Variants in GALNT8 observed in about 807,000 individuals in gnomAD.
GALNT8 encodes polypeptide N-acetylgalactosaminyltransferase 8.
In GALNT8, 66 loss-of-function variants were observed where a neutral mutation model predicts 62.7. The observed-to-expected ratio is 1.05, with a 90% CI of 0.86 to 1.29. The LOEUF is 1.29. GALNT8 is among the 50% of genes most tolerant of loss of function. The pLI is 0.00. For missense variants in GALNT8, 771 were observed against 791.8 expected, an observed-to-expected ratio of 0.97 and a Z score of 0.32; for synonymous variants, 288 against 294.3, an observed-to-expected ratio of 0.98 and a Z score of 0.22.
intron 9 of GALNT8, 77 bp from the exon 10 acceptor site, chr12:4,765,302 C>T (rs1228931374): frequency 2.2e-6 from 3 of 1,355,760 alleles, no homozygotes; most frequent in Non-Finnish European, 2.9e-6. Context: ...CCTGCTGTCC[C>T]TCGGGCTAGG....
chr12:4,772,035 C>T (rs530269328), intron 10 of GALNT8, among the ~76,000 whole-genome samples: 1 of 152,286 alleles, frequency 6.6e-6, no homozygotes, highest in South Asian at 2.1e-4. Context: ...AACACAGTTT[C>T]CCTGAAGAGG....
intron 10 of GALNT8, among the ~76,000 whole-genome samples, chr12:4,771,910 A>G (rs1274715569): frequency 6.6e-6 from 1 of 152,210 alleles, no homozygotes; most frequent in African/African-American, 2.4e-5. Context: ...ACTTTGTAGC[A>G]CTAAAGCCTA....
chr12:4,748,595 C>T (rs1946310215), intron 6 of GALNT8, among the ~76,000 whole-genome samples: 1 of 151,744 alleles, frequency 6.6e-6, no homozygotes, highest in East Asian at 1.9e-4. Flanking sequence ...TGTTTTTATG[C>T]TCGTACCATG....
Position 4,739,293 on chromosome 12 carries a change from A to AAGGAAATC in GALNT8, c.642_649dup (p.Ile217ArgfsTer15). On this transcript the variant is annotated frameshift_variant, in exon 3 of 11. Coordinates refer to ENST00000252318, the MANE Select transcript of GALNT8 (RefSeq NM_017417.2). LOFTEE classifies it high-confidence loss of function. The stretch of plus-strand genomic sequence containing the variant: ...CAACCGGACGCCCTCTCGATTGTTG[A>AAGGAAATC]AGGAAATCATCTTGGTGGATGATTT... 1 of 1,613,836 alleles carries AAGGAAATC rather than the reference A, an allele frequency of 6.2e-7. No homozygotes were observed. Among genetic ancestry groups the AAGGAAATC allele is most frequent in the Non-Finnish European group, 8.5e-7 (1 of 1,179,858 alleles).
intron 2 of GALNT8, among the ~76,000 whole-genome samples, chr12:4,734,603 C>T (rs1481737671): frequency 6.6e-6 from 1 of 151,742 alleles, no homozygotes; most frequent in African/African-American, 2.4e-5. Context: ...CACCCTCCCA[C>T]CTGTATTATG....
chr12:4,756,917 A>G (rs1946347597), intron 6 of GALNT8, among the ~76,000 whole-genome samples: 2 of 152,192 alleles, frequency 1.3e-5, no homozygotes, highest in South Asian at 4.1e-4. Context: ...TATAATCCCC[A>G]TAATCCCCAT....
Position 4,726,462 on chromosome 12 carries a change from A to G in GALNT8, c.212-70A>G. ...AACCGTTAGAGGAAATTAGGATGGA[A>G]AGGAATACCCAGGTAACTAAGGAGG... On this transcript the variant is annotated intron_variant, in intron 1 of 10. Transcript: ENST00000252318. The surrounding 1 kb of genome is among the most constrained non-coding windows in gnomAD (Gnocchi z 4.1). 9.5e-7 allele frequency: 1 copy of G among 1,057,272 alleles called. No homozygotes were observed. The highest frequency in any genetic ancestry group is 1.4e-6 in the Non-Finnish European group (1 of 714,790). 65.5% of individuals were successfully genotyped at this position (1,057,272 alleles called of 1,614,324 possible).
intron 10 of GALNT8, among the ~76,000 whole-genome samples, chr12:4,768,726 G>A (rs1946410581): frequency 6.6e-6 from 1 of 152,170 alleles, no homozygotes; most frequent in Admixed American, 6.5e-5. Flanking sequence ...AGTTAGTGTT[G>A]AGTGGGTTCA....
intron 9 of GALNT8, 108 bp from the exon 10 acceptor site, chr12:4,765,271 A>G (rs1252920045): frequency 3.0e-5 from 30 of 1,002,644 alleles, no homozygotes; most frequent in Non-Finnish European, 4.0e-5. Flanking sequence ...CTGGGTGTCT[A>G]GGGGCCCCAA....
intron 6 of GALNT8, among the ~76,000 whole-genome samples, chr12:4,747,752 C>T (rs539616938): frequency 6.7e-4 from 102 of 152,228 alleles, no homozygotes; most frequent in African/African-American, 2.3e-3. Context: ...ATTGCTGGAT[C>T]ATATGGTAGC....
At chr12:4,754,016 C>G (rs1946333389) in intron 6 of GALNT8, among the ~76,000 whole-genome samples, 1 of 152,216 alleles carries the variant, frequency 6.6e-6, no homozygotes, top group Non-Finnish European at 1.5e-5. Context: ...GTTCTCTTCC[C>G]TTACGTCTCC....
intron 6 of GALNT8, among the ~76,000 whole-genome samples, chr12:4,755,633 A>AG (rs1201773460): frequency 6.6e-6 from 1 of 152,174 alleles, no homozygotes; most frequent in Non-Finnish European, 1.5e-5. Flanking sequence ...TATCCTTGTC[A>AG]GGGGGATGAT....
intron 6 of GALNT8, among the ~76,000 whole-genome samples, chr12:4,757,058 G>C (rs7976011): frequency 6.6e-6 from 1 of 151,930 alleles, no homozygotes; most frequent in African/African-American, 2.4e-5. Context: ...TTCCTCCTGC[G>C]TTCATTCTCC....
intron 3 of GALNT8, among the ~76,000 whole-genome samples, chr12:4,742,192 C>A (rs1946275108): frequency 6.6e-6 from 1 of 152,166 alleles, no homozygotes; most frequent in African/African-American, 2.4e-5. Context: ...GTGTTCTGCT[C>A]CTCACCTATC....
At position 4,726,070 on chromosome 12, in the gene GALNT8, TA is replaced by T; in HGVS notation, c.212-457del. On this transcript the variant is annotated intron_variant, in intron 1 of 10. Coordinates refer to ENST00000252318, the MANE Select transcript of GALNT8 (RefSeq NM_017417.2). This position sits in a 1 kb window ranked among gnomAD's most constrained non-coding sequence, Gnocchi z 4.1. Reference sequence around the variant, plus strand: ...AAAAAGAATTACTCCTTGGTTTTATTAAAAAGCAGGTTCTTGTAATTTCTCC... The same window carrying T: ...AAAAAGAATTACTCCTTGGTTTTATTAAAAGCAGGTTCTTGTAATTTCTCC... Among the ~76,000 whole-genome samples, 1 of 152,278 alleles carries T rather than the reference TA, an allele frequency of 6.6e-6. No individual in the cohort carries two copies. Among genetic ancestry groups the T allele is most frequent in the Admixed American group, 6.5e-5 (1 of 15,304 alleles).
Position 4,772,623 on chromosome 12 carries a change from C to A in GALNT8, c.*26C>A. On this transcript the variant is annotated 3_prime_UTR_variant, in exon 11 of 11. Transcript: ENST00000252318. ...TCCTCAGATGGTGCTGGATCTGGGT[C>A]ATCAATTCTTGCAAGTGGAATGGCT... The A allele has an allele frequency of 6.3e-7, 1 of 1,581,074 alleles. No homozygotes were observed. Among genetic ancestry groups the A allele is most frequent in the South Asian group, 1.1e-5 (1 of 90,282 alleles).
At chr12:4,758,843 CTAGGCTCA>C (rs1946358972) in intron 6 of GALNT8, among the ~76,000 whole-genome samples, 1 of 151,650 alleles carries the variant, frequency 6.6e-6, no homozygotes, top group Admixed American at 6.6e-5. Context: ...GTGGCGCAAT[CTAGGCTCA>C]TTGCAACCTC....
chr12:4,760,846 G>A, intron 6 of GALNT8, 112 bp from the exon 7 acceptor site: 1 of 805,734 alleles, frequency 1.2e-6, no homozygotes. Flanking sequence ...GGAGTGGGAG[G>A]ACTGAGCTTA....
chr12:4,728,443 A>G (rs2137519532), intron 2 of GALNT8, among the ~76,000 whole-genome samples: 1 of 152,132 alleles, frequency 6.6e-6, no homozygotes, highest in East Asian at 1.9e-4. Flanking sequence ...CTTGCTTGGT[A>G]CAAGGTCGCA....
Sources: allele counts gnomAD v4.1 joint callset (sites outside exome capture counted in the v4.1 genomes callset), GRCh38; gene constraint gnomAD v4.1.1; non-coding constraint Gnocchi (gnomAD v3.1); transcripts MANE v1.5; gene names NCBI Gene and HGNC (gene_info 2026-07-23, HGNC 2026-07-21).